Variants in CRKL observed in about 807,000 individuals in gnomAD.
CRKL encodes the protein crk-like protein.
Under a neutral mutation model 23.0 loss-of-function variants are expected in CRKL, and 3 were observed. The observed-to-expected ratio is 0.13, with a 90% CI of 0.06 to 0.34. CRKL has a LOEUF of 0.34. Ranked by LOEUF, CRKL falls within the 10% of genes least tolerant of loss-of-function variation. CRKL has a pLI of 1.00. For synonymous variants in CRKL, 188 were observed against 160.7 expected (o/e 1.17, Z -1.28); for missense variants, 256 against 394.5 (o/e 0.65, Z 2.97).
rs779594981 is a variant in CRKL, at chr22:20,918,172, C to T, written c.238C>T (p.His80Tyr). Residue 80 changes from histidine (H) to tyrosine (Y), a missense_variant, in exon 1 of 3, where the codon CAT (histidine) becomes TAT (tyrosine). By Grantham distance (83) the His-to-Tyr change is moderately conservative (BLOSUM62 2). Around this residue, in one of 3 missense-constraint regions of CRKL, gnomAD observed 85 missense variants for 139.8 expected, o/e 0.61. Transcript: ENST00000354336. ...RFKIGDQEFD[H>Y]LPALLEFYKI... ...TAAGATCGGGGACCAGGAATTTGACCATTTGCCGGCCCTGCTGGAGTTTTA... is the reference window on the plus strand; with the variant it reads ...TAAGATCGGGGACCAGGAATTTGACTATTTGCCGGCCCTGCTGGAGTTTTA... The T allele has an allele frequency of 1.2e-6, 2 of 1,614,016 alleles. No individual in the cohort carries two copies. The highest frequency in any genetic ancestry group is 1.7e-6 in the Non-Finnish European group (2 of 1,180,040).
intron 1 of CRKL, among the ~76,000 whole-genome samples, chr22:20,918,949 A>ACCCCCCCCCCCCC (rs1555917807): frequency 1.8e-5 from 2 of 111,542 alleles, no homozygotes; most frequent in African/African-American, 3.4e-5. Flanking sequence ...AGCACTCACC[A>ACCCCCCCCCCCCC]CCCCACCCCC....
chr22:20,920,264 A>G (rs1030369775), intron 1 of CRKL, among the ~76,000 whole-genome samples: 18 of 152,230 alleles, frequency 1.2e-4, no homozygotes, highest in Admixed American at 7.9e-4. Flanking sequence ...GCACTTTGGG[A>G]AGCCAAGCCG....
chr22:20,932,213 A>G (rs892756014), intron 1 of CRKL, among the ~76,000 whole-genome samples: 1 of 149,286 alleles, frequency 6.7e-6, no homozygotes, highest in Non-Finnish European at 1.5e-5. Context: ...GGCTCAAGTA[A>G]TGCTCCTGCC....
At chr22:20,940,343 C>T (rs767691550) in intron 2 of CRKL, among the ~76,000 whole-genome samples, 15 of 152,072 alleles carry the variant, frequency 9.9e-5, no homozygotes, top group African/African-American at 2.4e-4. Context: ...GTTAGCTAAT[C>T]GCATCCAGAA....
intron 2 of CRKL, among the ~76,000 whole-genome samples, chr22:20,942,268 A>G (rs1921909348): frequency 6.6e-6 from 1 of 152,204 alleles, no homozygotes; most frequent in African/African-American, 2.4e-5. Flanking sequence ...TTCTTGTCCC[A>G]GCATGGGGTG....
intron 1 of CRKL, among the ~76,000 whole-genome samples, chr22:20,920,613 A>G (rs1489730981): frequency 6.6e-6 from 1 of 152,092 alleles, no homozygotes; most frequent in Non-Finnish European, 1.5e-5. Context: ...ACATGCATGC[A>G]TCTTCTTAGA....
intron 1 of CRKL, among the ~76,000 whole-genome samples, chr22:20,932,830 A>G (rs967709419): frequency 3.9e-5 from 6 of 152,014 alleles, no homozygotes; most frequent in Non-Finnish European, 5.9e-5. Context: ...TAATGACAGC[A>G]CTTTGGGAGG....
intron 1 of CRKL, among the ~76,000 whole-genome samples, chr22:20,919,750 G>A (rs980954023): frequency 1.3e-5 from 2 of 151,976 alleles, no homozygotes; most frequent in Non-Finnish European, 2.9e-5. Flanking sequence ...ATGACTTTAT[G>A]GATTTGTCGA....
At chr22:20,943,879 A>C (rs1230206862) in intron 2 of CRKL, among the ~76,000 whole-genome samples, 2 of 152,100 alleles carry the variant, frequency 1.3e-5, no homozygotes, top group African/African-American at 4.8e-5. Flanking sequence ...TTGACCTCTG[A>C]GTTCTATTCC....
chr22:20,945,693 C>CT (rs1490367730), intron 2 of CRKL, among the ~76,000 whole-genome samples: 1 of 152,216 alleles, frequency 6.6e-6, no homozygotes, highest in Admixed American at 6.5e-5. Context: ...GCCTAGCCCT[C>CT]TTAAAGCCTC....
In CRKL at chr22:20,941,538, A is replaced by ACGTG. The variant is rs1370163394; in HGVS notation, c.777+7294_777+7295insCGTG. Among the ~76,000 whole-genome samples, 3 of 50,438 alleles carry ACGTG rather than the reference A, an allele frequency of 5.9e-5. 1 individual carries two copies. The highest frequency in any genetic ancestry group is 1.1e-4 in the Non-Finnish European group (3 of 27,862). 33.1% of individuals were successfully genotyped at this position (50,438 alleles called of 152,430 possible). A position where few individuals can be genotyped will look rare whatever the true frequency, so the allele number is the denominator to read the frequency against. ...GTATGTGTATATATATATATATTTT[A>ACGTG]TGTGTGTGTGTGTGTGTGTGTGTGT... On this transcript the variant is annotated intron_variant, in intron 2 of 2. Transcript: ENST00000354336.
chr22:20,942,270 C>A (rs2147912531), intron 2 of CRKL, among the ~76,000 whole-genome samples: 1 of 152,290 alleles, frequency 6.6e-6, no homozygotes, highest in African/African-American at 2.4e-5. Flanking sequence ...CTTGTCCCAG[C>A]ATGGGGTGAC....
At chr22:20,928,812 CAAAAAAAAAAAAA>C (rs57896414) in intron 1 of CRKL, among the ~76,000 whole-genome samples, 8 of 81,576 alleles carry the variant, frequency 9.8e-5, no homozygotes, top group African/African-American at 2.4e-4. Flanking sequence ...GATCCCATCT[CAAAAAAAAAAAAA>C]AAAAAAAAAA....
At position 20,926,745 on chromosome 22, in the gene CRKL, A is replaced by T. The variant is rs192106129; in HGVS notation, c.312-7034A>T. 4.6e-5 allele frequency among the ~76,000 whole-genome samples: 7 copies of T among 152,184 alleles called. No individual in the cohort carries two copies. In the East Asian group the frequency reaches 1.4e-3, roughly 29 times the overall value. Reference sequence around the variant, plus strand: ...AGCCACAAGCATAGGAGGAGGAGCCATTAGTGATGGCCTGAAAGCCCAGGG... The same window carrying T: ...AGCCACAAGCATAGGAGGAGGAGCCTTTAGTGATGGCCTGAAAGCCCAGGG... On this transcript the variant is annotated intron_variant, in intron 1 of 2. Transcript: ENST00000354336.
rs1432750452 is a variant in CRKL at position 20,952,327 on chromosome 22, C to G, written c.*2482C>G. ...TGGCGCACTTCAGAATCAGATATACCTAGAGTATACCTGTGGTTTGGTTTT... is the reference window on the plus strand; with the variant it reads ...TGGCGCACTTCAGAATCAGATATACGTAGAGTATACCTGTGGTTTGGTTTT... On this transcript the variant is annotated 3_prime_UTR_variant, in exon 3 of 3. Transcript: ENST00000354336. 1.7e-5 allele frequency: 4 copies of G among 229,492 alleles called. No homozygotes were observed. Among genetic ancestry groups the G allele is most frequent in the Non-Finnish European group, 2.6e-5 (3 of 115,816 alleles). The allele number at this position is 229,492 out of a possible 1,614,324, so 14.2% of individuals were successfully genotyped here.
chr22:20,942,565 A>C (rs991058830), intron 2 of CRKL, among the ~76,000 whole-genome samples: 2 of 151,822 alleles, frequency 1.3e-5, no homozygotes, highest in African/African-American at 4.8e-5. Flanking sequence ...CCTTGCTTTC[A>C]GTTATTTTGG....
intron 2 of CRKL, among the ~76,000 whole-genome samples, chr22:20,937,642 A>C (rs974456430): frequency 6.6e-6 from 1 of 150,668 alleles, no homozygotes; most frequent in Non-Finnish European, 1.5e-5. Context: ...TTTTAAGATA[A>C]CCTACATACT....
intron 1 of CRKL, among the ~76,000 whole-genome samples, chr22:20,931,212 C>G (rs1921439725): frequency 6.6e-6 from 1 of 152,012 alleles, no homozygotes; most frequent in African/African-American, 2.4e-5. Context: ...TCAAGACAAG[C>G]CCTGAAAACA....
intron 2 of CRKL, among the ~76,000 whole-genome samples, chr22:20,946,209 C>T (rs554301185): frequency 1.3e-5 from 2 of 152,158 alleles, no homozygotes; most frequent in Admixed American, 6.6e-5. Context: ...ACTGCTGTGA[C>T]GACCAGTGCT....
Sources: allele counts gnomAD v4.1 joint callset (sites outside exome capture counted in the v4.1 genomes callset), GRCh38; gene constraint gnomAD v4.1.1; regional missense constraint gnomAD v4.1.1; transcripts MANE v1.5; gene names NCBI Gene and HGNC (gene_info 2026-07-23, HGNC 2026-07-21).